DOCK2: variants seen among roughly 807,000 people sequenced by gnomAD.
DOCK2 encodes dedicator of cytokinesis 2.
DOCK2 carries 87 observed loss-of-function variants against 248.9 expected under a neutral mutation model. That is an observed-to-expected ratio of 0.35 (90% CI 0.29 to 0.42). The LOEUF is 0.42. Ranked by LOEUF, DOCK2 falls within the 10% of genes least tolerant of loss-of-function variation. The pLI, the probability that DOCK2 is intolerant of heterozygous loss-of-function variation, is 1.00. For synonymous variants in DOCK2, 805 were observed against 821.6 expected, an observed-to-expected ratio of 0.98 and a Z score of 0.35; for missense variants, 1,747 against 2,300.2, an observed-to-expected ratio of 0.76 and a Z score of 4.92.
chr5:169,811,280 T>G (rs1271144656), intron 26 of DOCK2, among the ~76,000 whole-genome samples: 1 of 152,212 alleles, frequency 6.6e-6, no homozygotes, highest in Non-Finnish European at 1.5e-5. Context: ...CTGATAAACC[T>G]AGGCAGTTTG....
At chr5:169,972,267 C>T (rs987986720) in intron 27 of DOCK2, among the ~76,000 whole-genome samples, 1 of 152,138 alleles carries the variant, frequency 6.6e-6, no homozygotes, top group Non-Finnish European at 1.5e-5. Context: ...GCAAACCTTA[C>T]CTATAGCATG....
chr5:169,681,694 A>T (rs1759679152), intron 6 of DOCK2, 50 bp from the exon 7 acceptor site: 1 of 1,598,800 alleles, frequency 6.3e-7, no homozygotes, highest in Non-Finnish European at 8.5e-7. Flanking sequence ...CTCACCAGTG[A>T]CCTAAAGTTC....
At chr5:169,656,824 C>A (rs1264396101) in intron 2 of DOCK2, among the ~76,000 whole-genome samples, 1 of 152,334 alleles carries the variant, frequency 6.6e-6, no homozygotes, top group South Asian at 2.1e-4. Flanking sequence ...CTTGCCAGTA[C>A]CTTTCCCTGG....
intron 30 of DOCK2, among the ~76,000 whole-genome samples, chr5:170,006,874 C>T (rs187546578): frequency 1.5e-4 from 23 of 152,254 alleles, no homozygotes; most frequent in African/African-American, 4.6e-4. Flanking sequence ...AGAAGGTCTG[C>T]GTGCAGATCT....
In DOCK2 at chr5:169,693,260, G is replaced by C. The variant is rs1413472022; in HGVS notation, c.844-2543G>C. On this transcript the variant is annotated intron_variant, in intron 9 of 51. Coordinates refer to ENST00000520908, the MANE Select transcript of DOCK2 (RefSeq NM_004946.3). ...CATTGGAGGGGAAGTGTGGGAGCAGGGTGGTTAGGAAGAAAGATCCAGAGT... is the reference window on the plus strand; with the variant it reads ...CATTGGAGGGGAAGTGTGGGAGCAGCGTGGTTAGGAAGAAAGATCCAGAGT... Among the ~76,000 whole-genome samples, 5 of 152,148 alleles carry C rather than the reference G, an allele frequency of 3.3e-5. No homozygotes were observed. The South Asian group carries it at 8.3e-4, about 25-fold the overall frequency.
chr5:169,922,229 G>A (rs1176633333), intron 27 of DOCK2, among the ~76,000 whole-genome samples: 6 of 152,152 alleles, frequency 3.9e-5, no homozygotes, highest in African/African-American at 7.2e-5. Flanking sequence ...TTGCCTAAAG[G>A]TATTTATTGC....
chr5:169,854,834 A>G (rs551919009), intron 27 of DOCK2, among the ~76,000 whole-genome samples: 6 of 152,238 alleles, frequency 3.9e-5, no homozygotes, highest in Non-Finnish European at 8.8e-5. Flanking sequence ...TCTGGTGGAG[A>G]TGAGCATGAG....
chr5:169,815,963 A>G (rs1312980997), intron 26 of DOCK2, among the ~76,000 whole-genome samples: 3 of 152,206 alleles, frequency 2.0e-5, no homozygotes, highest in African/African-American at 7.2e-5. Flanking sequence ...AGGAACAGCC[A>G]TTTACACTCT....
chr5:169,658,479 C>CAAAAAAA (rs5873187), intron 2 of DOCK2, among the ~76,000 whole-genome samples: 1 of 76,034 alleles, frequency 1.3e-5, no homozygotes. Context: ...GCCTCCGTCT[C>CAAAAAAA]AAAAAAAAAA....
intron 26 of DOCK2, among the ~76,000 whole-genome samples, chr5:169,806,930 C>CA (rs1767403500): frequency 6.6e-6 from 1 of 150,898 alleles, no homozygotes; most frequent in East Asian, 2.0e-4. Context: ...GCCCTCCTCA[C>CA]CCTTCAATGC....
intron 27 of DOCK2, among the ~76,000 whole-genome samples, chr5:169,919,015 G>T (rs144919936): frequency 0.019 from 2,941 of 152,304 alleles, 95 homozygotes; most frequent in South Asian, 0.11. Flanking sequence ...GGTTATGTTG[G>T]ATAGAAGTGA....
intron 25 of DOCK2, among the ~76,000 whole-genome samples, chr5:169,768,343 G>A (rs1007098211): frequency 2.6e-5 from 4 of 152,236 alleles, no homozygotes; most frequent in African/African-American, 9.6e-5. Context: ...CTGAGTGCAA[G>A]TCATTTGAAT....
chr5:169,818,437 G>A (rs1387100788), intron 26 of DOCK2, among the ~76,000 whole-genome samples: 1 of 152,170 alleles, frequency 6.6e-6, no homozygotes, highest in Non-Finnish European at 1.5e-5. Context: ...ACATAGGCAT[G>A]GATTTGAATT....
intron 32 of DOCK2, among the ~76,000 whole-genome samples, chr5:170,009,769 A>C (rs538486382): frequency 1.1e-3 from 170 of 152,290 alleles, no homozygotes; most frequent in African/African-American, 4.0e-3. Context: ...CCTTCCAGCG[A>C]GTTCTATCCA....
chr5:170,019,165 C>T (rs1050499642), intron 33 of DOCK2, 57 bp downstream of exon 33: 2 of 1,610,488 alleles, frequency 1.2e-6, no homozygotes, highest in African/African-American at 2.7e-5. Context: ...CCCATTTCCC[C>T]ATAATGATAT....
chr5:170,080,508 C>A, intron 50 of DOCK2: 1 of 597,994 alleles, frequency 1.7e-6, no homozygotes, highest in East Asian at 3.0e-5. Flanking sequence ...GGGGAGAGGC[C>A]TGCTGTCCCT....
chr5:169,722,170 C>T (rs548110363), intron 22 of DOCK2, among the ~76,000 whole-genome samples: 16 of 152,308 alleles, frequency 1.1e-4, no homozygotes, highest in African/African-American at 3.4e-4. Flanking sequence ...TAATCTTCTA[C>T]GATTCAGCTT....
rs1301385346 is a variant in DOCK2, at chr5:169,985,830, C to T, written c.2901C>T (p.Asp967=). 6.2e-7 allele frequency: 1 copy of T among 1,607,326 alleles called. No individual in the cohort carries two copies. Among genetic ancestry groups the T allele is most frequent in the African/African-American group, 1.3e-5 (1 of 74,762 alleles). Reference sequence around the variant, plus strand: ...TGTGCTGTGCTTCATTGTTTCAGGACTTCTTGATGGAGACCTTCATCATGT... The same window carrying T: ...TGTGCTGTGCTTCATTGTTTCAGGATTTCTTGATGGAGACCTTCATCATGT... ...ETFQTSSELV[D]FLMETFIMFK... is the part of the protein sequence containing the mutation. Residue 967 remains aspartate, a splice_region_variant and synonymous_variant, in exon 29 of 52, where the codon GAC becomes GAT. Transcript: ENST00000520908.
At chr5:169,716,150 T>A (rs1365502404) in intron 19 of DOCK2, 63 bp from the exon 20 acceptor site, 2 of 1,407,166 alleles carry the variant, frequency 1.4e-6, no homozygotes, top group Admixed American at 1.7e-5. Context: ...AGGAGTGGGA[T>A]TGCTGGTTCA....
Sources: allele counts gnomAD v4.1 joint callset (sites outside exome capture counted in the v4.1 genomes callset), GRCh38; gene constraint gnomAD v4.1.1; transcripts MANE v1.5; gene names NCBI Gene and HGNC (gene_info 2026-07-23, HGNC 2026-07-21).